TSPAN11: variants seen among roughly 807,000 people sequenced by gnomAD.
The protein encoded by TSPAN11 is tetraspanin-11.
Under a neutral mutation model 32.9 loss-of-function variants are expected in TSPAN11, and 29 were observed. The ratio of observed to expected loss-of-function variants is 0.88; its 90% CI spans 0.66 to 1.20. The LOEUF is 1.20. Among genes scored for constraint, TSPAN11 ranks in the 50% most tolerant of loss-of-function variants. The probability of loss-of-function intolerance (pLI) is 0.00; values close to 1 mark genes in which losing one functional copy is unlikely to be tolerated. For synonymous variants in TSPAN11, 140 were observed against 141.3 expected (o/e 0.99, Z 0.07); for missense variants, 283 against 329.1 (o/e 0.86, Z 1.08).
the TSPAN11 span, among the ~76,000 whole-genome samples, chr12:31,008,193 C>T: frequency 2.0e-4 from 31 of 151,842 alleles, no homozygotes; most frequent in African/African-American, 6.8e-4. Context: ...GGCTAACACA[C>T]ATCAGTCCTA....
At chr12:30,927,617 C>T (rs575108034) in intron 1 of TSPAN11, among the ~76,000 whole-genome samples, 2 of 152,040 alleles carry the variant, frequency 1.3e-5, no homozygotes, top group Admixed American at 1.3e-4. Context: ...GAGGCAGCTT[C>T]TGGAAAAACT....
chr12:30,929,966 C>G (rs1165434651), intron 1 of TSPAN11, among the ~76,000 whole-genome samples: 1 of 152,120 alleles, frequency 6.6e-6, no homozygotes, highest in Non-Finnish European at 1.5e-5. Flanking sequence ...ATGACCGTGC[C>G]CATGATAGAG....
intron 3 of TSPAN11, among the ~76,000 whole-genome samples, chr12:30,969,262 C>A (rs964390883): frequency 5.9e-5 from 9 of 152,210 alleles, no homozygotes; most frequent in African/African-American, 1.9e-4. Context: ...GGAAACTGGA[C>A]TGTGTCCTCC....
At chr12:30,932,919 G>T (rs975166921) in intron 1 of TSPAN11, among the ~76,000 whole-genome samples, 5 of 152,210 alleles carry the variant, frequency 3.3e-5, no homozygotes, top group Admixed American at 2.0e-4. Flanking sequence ...CCTGATGCCT[G>T]GAAGGGAATG....
intron 1 of TSPAN11, among the ~76,000 whole-genome samples, chr12:30,941,323 A>G (rs991288083): frequency 6.6e-6 from 1 of 152,224 alleles, no homozygotes; most frequent in African/African-American, 2.4e-5. Flanking sequence ...CTGTGGGACA[A>G]CTGCTCTTAG....
chr12:30,975,066 C>T lies in TSPAN11; in HGVS notation c.277-3495C>T, dbSNP rs1051757808. The stretch of plus-strand genomic sequence containing the variant: ...AGGGCAAAGGCCCAAAGGCTGGACG[C>T]TTGGCCTGTGTGAAGAGAACTGTGT... On this transcript the variant is annotated intron_variant, in intron 3 of 7. Coordinates refer to ENST00000546076, the MANE Select transcript of TSPAN11 (RefSeq NM_001370302.1). The surrounding 1 kb of genome is among the most constrained non-coding windows in gnomAD (Gnocchi z 4.5). 6.6e-6 allele frequency among the ~76,000 whole-genome samples: 1 copy of T among 152,232 alleles called. No individual in the cohort carries two copies. Among genetic ancestry groups the T allele is most frequent in the African/African-American group, 2.4e-5 (1 of 41,472 alleles).
intron 1 of TSPAN11, among the ~76,000 whole-genome samples, chr12:30,943,172 G>A (rs777187876): frequency 5.2e-4 from 79 of 152,134 alleles, no homozygotes; most frequent in Admixed American, 8.5e-4. Context: ...CCACAGCCCC[G>A]ACTGGGGTCT....
At chr12:30,988,384 T>C (rs1366246973) in intron 7 of TSPAN11, 1 of 151,928 alleles carries the variant, frequency 6.6e-6, no homozygotes, top group East Asian at 1.9e-4. Context: ...GGTCAGGAGA[T>C]TGAGTCCAGC....
At chr12:31,013,515 G>A in the TSPAN11 span, among the ~76,000 whole-genome samples, 2 of 152,078 alleles carry the variant, frequency 1.3e-5, no homozygotes, top group Middle Eastern at 3.2e-3. Flanking sequence ...GCCCCAGGAG[G>A]TCGATCCAGG....
At chr12:30,940,895 AAC>A (rs887197821) in intron 1 of TSPAN11, among the ~76,000 whole-genome samples, 2 of 152,186 alleles carry the variant, frequency 1.3e-5, no homozygotes, top group Non-Finnish European at 2.9e-5. Context: ...TAGGAGCACG[AAC>A]CCTATTATGA....
intron 5 of TSPAN11, among the ~76,000 whole-genome samples, chr12:30,981,529 C>T (rs1304054178): frequency 1.3e-5 from 2 of 151,430 alleles, no homozygotes; most frequent in Admixed American, 1.3e-4. Context: ...GCAGTTCCCG[C>T]GTGACTCCTT....
chr12:30,977,566 C>T (rs35098), intron 3 of TSPAN11, among the ~76,000 whole-genome samples: 40,261 of 152,062 alleles, frequency 0.26, 5,612 homozygotes, highest in Middle Eastern at 0.4. Context: ...TATTCTCTCT[C>T]CTTGTCCCTG....
At position 30,954,017 on chromosome 12, in the gene TSPAN11, A is replaced by G; in HGVS notation, c.26A>G (p.Asp9Gly). The G allele has an allele frequency of 6.2e-7, 1 of 1,613,900 alleles. No homozygotes were observed. The highest frequency in any genetic ancestry group is 8.5e-7 in the Non-Finnish European group (1 of 1,180,018). MAHYKTEQ[D>G]DWLIIYLKYL... ...ATGGCCCACTATAAGACTGAGCAGGACGACTGGCTGATCATCTACTTGAAG... is the reference window on the plus strand; with the variant it reads ...ATGGCCCACTATAAGACTGAGCAGGGCGACTGGCTGATCATCTACTTGAAG... Residue 9 changes from aspartate (D) to glycine (G), a missense_variant, in exon 2 of 8, where the codon GAC becomes GGC. Coordinates refer to ENST00000546076, the MANE Select transcript of TSPAN11 (RefSeq NM_001370302.1).
intron 1 of TSPAN11, among the ~76,000 whole-genome samples, chr12:30,950,959 A>G (rs1191273545): frequency 6.6e-6 from 1 of 152,254 alleles, no homozygotes; most frequent in East Asian, 1.9e-4. Flanking sequence ...CCTATAAAAT[A>G]TCTACAAAAT....
At chr12:31,003,156 C>A in the TSPAN11 span, among the ~76,000 whole-genome samples, 1 of 152,250 alleles carries the variant, frequency 6.6e-6, no homozygotes, top group Non-Finnish European at 1.5e-5. Flanking sequence ...GGGAAGCAGA[C>A]AGTGAGGGAA....
At chr12:30,950,175 T>A (rs753085792) in intron 1 of TSPAN11, among the ~76,000 whole-genome samples, 5 of 151,950 alleles carry the variant, frequency 3.3e-5, no homozygotes, top group Non-Finnish European at 7.4e-5. Flanking sequence ...TGAATCCTAG[T>A]CCCTGAGCTT....
At position 30,995,119 on chromosome 12, in the gene TSPAN11, A is replaced by C. The variant is rs1247251400; in HGVS notation, c.*3204A>C. The C allele has an allele frequency of 6.6e-6, 1 of 152,322 alleles. No homozygotes were observed. Among genetic ancestry groups the C allele is most frequent in the Non-Finnish European group, 1.5e-5 (1 of 68,100 alleles). 9.4% of individuals were successfully genotyped at this position (152,322 alleles called of 1,614,324 possible). On this transcript the variant is annotated 3_prime_UTR_variant, in exon 8 of 8. Transcript: ENST00000546076. Reference sequence around the variant, plus strand: ...GGGCTCAGGCAGTGGCCAAGAGCCCAAAGGGCTAAGGCCCGTGACGACCAC... The same window carrying C: ...GGGCTCAGGCAGTGGCCAAGAGCCCCAAGGGCTAAGGCCCGTGACGACCAC...
At chr12:30,933,673 T>TTGCAGCTCTAGTGGC (rs551021983) in intron 1 of TSPAN11, among the ~76,000 whole-genome samples, 9 of 152,088 alleles carry the variant, frequency 5.9e-5, no homozygotes, top group Admixed American at 1.3e-4. Context: ...CAAACAGTGG[T>TTGCAGCTCTAGTGGC]TGCAGCTCTA....
At chr12:31,003,775 G>A in the TSPAN11 span, among the ~76,000 whole-genome samples, 2 of 151,396 alleles carry the variant, frequency 1.3e-5, no homozygotes, top group African/African-American at 4.9e-5. Context: ...GACTAGGGAA[G>A]GGCGGTTTTG....
Sources: allele counts gnomAD v4.1 joint callset (sites outside exome capture counted in the v4.1 genomes callset), GRCh38; gene constraint gnomAD v4.1.1; non-coding constraint Gnocchi (gnomAD v3.1); transcripts MANE v1.5; gene names NCBI Gene and HGNC (gene_info 2026-07-23, HGNC 2026-07-21).